Variants in CADM4 observed in about 807,000 individuals in gnomAD.
CADM4 encodes the protein TSLC1-like 2.
In CADM4, 13 loss-of-function variants were observed where a neutral mutation model predicts 43.9. The ratio of observed to expected loss-of-function variants is 0.30; its 90% confidence interval spans 0.19 to 0.47. The LOEUF (loss-of-function observed/expected upper bound fraction) is 0.47. Ranked by LOEUF, CADM4 falls within the 20% of genes least tolerant of loss-of-function variation. CADM4 has a pLI of 1.00. For missense variants in CADM4, 420 were observed against 527.0 expected, an observed-to-expected ratio of 0.80 and a Z score of 1.99; for synonymous variants, 209 against 220.9, an observed-to-expected ratio of 0.95 and a Z score of 0.48.
intron 1 of CADM4, among the ~76,000 whole-genome samples, chr19:43,633,100 G>T (rs1307042858): frequency 6.6e-6 from 1 of 151,296 alleles, no homozygotes; most frequent in Non-Finnish European, 1.5e-5. Flanking sequence ...AAGAGACAGG[G>T]TATTGCTCTG....
chr19:43,632,913 C>T (rs1334880173), intron 1 of CADM4, among the ~76,000 whole-genome samples: 3 of 151,780 alleles, frequency 2.0e-5, no homozygotes, highest in African/African-American at 7.3e-5. Context: ...GGCGAAACCC[C>T]GTCTCTACTA....
Position 43,632,160 on chromosome 19 carries a change from G to C in CADM4, c.65-4370C>G, listed in dbSNP as rs147284142. Among the ~76,000 whole-genome samples the C allele has an allele frequency of 9.9e-5, 15 of 152,214 alleles. No homozygotes were observed. In the East Asian group the frequency reaches 2.7e-3, roughly 27 times the overall value. On this transcript the variant is annotated intron_variant, in intron 1 of 8. Coordinates refer to ENST00000222374, the MANE Select transcript of CADM4 (RefSeq NM_145296.2). The stretch of plus-strand genomic sequence containing the variant: ...AAATGTCACCACCATCCACCTGGTT[G>C]CTCAGGTCAAAAACCTAGAAATCAT...
At chr19:43,633,385 C>T (rs1041159237) in intron 1 of CADM4, among the ~76,000 whole-genome samples, 11 of 152,044 alleles carry the variant, frequency 7.2e-5, no homozygotes, top group Non-Finnish European at 1.3e-4. Flanking sequence ...AGAACACTTG[C>T]TATTTCCTCA....
intron 1 of CADM4, among the ~76,000 whole-genome samples, chr19:43,638,956 G>A (rs925538485): frequency 2.4e-4 from 36 of 150,150 alleles, no homozygotes; most frequent in African/African-American, 7.6e-4. Flanking sequence ...CGTAGAGAGA[G>A]GAGGCACAGC....
At position 43,623,468 on chromosome 19, in the gene CADM4, G is replaced by T; in HGVS notation, c.1058-29C>A. The T allele has an allele frequency of 7.0e-7, 1 of 1,425,016 alleles. No individual in the cohort carries two copies. Among genetic ancestry groups the T allele is most frequent in the Non-Finnish European group, 9.9e-7 (1 of 1,008,032 alleles). 88.3% of individuals were successfully genotyped at this position (1,425,016 alleles called of 1,614,324 possible). On this transcript the variant is annotated intron_variant, in intron 8 of 8. Transcript: ENST00000222374. The surrounding 1 kb of genome is among the most constrained non-coding windows in gnomAD (Gnocchi z 4.4). ...AGGGGGTGACAGACCCCCGGGGCAG[G>T]GGGGACATATTTGTGGATCCAGGAG... is the stretch of plus-strand genomic sequence containing the variant.
chr19:43,625,260 G>C lies in CADM4; in HGVS notation c.756-10C>G, dbSNP rs1016548990. 2 of 1,611,842 alleles carry C rather than the reference G, an allele frequency of 1.2e-6. No individual in the cohort carries two copies. The highest frequency in any genetic ancestry group is 2.7e-5 in the African/African-American group (2 of 74,984). ...GCGGATCTGGTTTGGCCTGGGTGGGGATAAAGTATAGTGAGAGTTAGGAAC... is the reference window on the plus strand; with the variant it reads ...GCGGATCTGGTTTGGCCTGGGTGGGCATAAAGTATAGTGAGAGTTAGGAAC... On this transcript the variant is annotated splice_polypyrimidine_tract_variant and intron_variant, in intron 6 of 8. Coordinates refer to ENST00000222374, the MANE Select transcript of CADM4 (RefSeq NM_145296.2). The surrounding 1 kb of genome is among the most constrained non-coding windows in gnomAD (Gnocchi z 4.5).
intron 1 of CADM4, 65 bp downstream of exon 1, chr19:43,639,662 C>G (rs1301999813): frequency 2.8e-5 from 26 of 927,664 alleles, no homozygotes; most frequent in Non-Finnish European, 3.1e-5. Context: ...CCGAGGCTGC[C>G]GGGCTGTCAC....
chr19:43,630,204 C>T (rs1172675450), intron 1 of CADM4, among the ~76,000 whole-genome samples: 1 of 149,428 alleles, frequency 6.7e-6, no homozygotes, highest in Non-Finnish European at 1.5e-5. Context: ...TGTGCCCGGC[C>T]TGCGCTATTA....
rs1378025655 is a variant in CADM4 at position 43,627,951 on chromosome 19, A to G, written c.65-161T>C. 2.0e-5 allele frequency among the ~76,000 whole-genome samples: 3 copies of G among 152,084 alleles called. No individual in the cohort carries two copies. The highest frequency in any genetic ancestry group is 7.2e-5 in the African/African-American group (3 of 41,414). On this transcript the variant is annotated intron_variant, in intron 1 of 8. Coordinates refer to ENST00000222374, the MANE Select transcript of CADM4 (RefSeq NM_145296.2). The surrounding 1 kb of genome is among the most constrained non-coding windows in gnomAD (Gnocchi z 4.0). ...CTGCAGGCTAGAGTCCAGGACAGGG[A>G]GGAAATCTGCTCCCTACTCTAAAAG... is the stretch of plus-strand genomic sequence containing the variant.
In CADM4 at chr19:43,623,232, A is replaced by G. The variant is rs1973466850; in HGVS notation, c.*98T>C. On this transcript the variant is annotated 3_prime_UTR_variant, in exon 9 of 9. Transcript: ENST00000222374. The surrounding 1 kb of genome is among the most constrained non-coding windows in gnomAD (Gnocchi z 4.4). ...TTAGTGGTGGGGGGAGAAGCCCACCATCCCAGACTCTGGTAAATGTCTTTG... is the reference window on the plus strand; with the variant it reads ...TTAGTGGTGGGGGGAGAAGCCCACCGTCCCAGACTCTGGTAAATGTCTTTG... 1.2e-6 allele frequency: 1 copy of G among 869,330 alleles called. No individual in the cohort carries two copies. Among genetic ancestry groups the G allele is most frequent in the Non-Finnish European group, 1.9e-6 (1 of 517,798 alleles). 53.9% of individuals were successfully genotyped at this position (869,330 alleles called of 1,614,324 possible).
rs923841620 is a variant in CADM4, at chr19:43,623,805, C to T, written c.1057+309G>A. 6.6e-6 allele frequency among the ~76,000 whole-genome samples: 1 copy of T among 152,172 alleles called. No individual in the cohort carries two copies. Among genetic ancestry groups the T allele is most frequent in the African/African-American group, 2.4e-5 (1 of 41,432 alleles). ...GTAGAAAAGGGGCTGCGCCATGGTG[C>T]CCAGGCTGGTCTCGACCTCCTAGCT... On this transcript the variant is annotated intron_variant, in intron 8 of 8. Transcript: ENST00000222374. The surrounding 1 kb of genome is among the most constrained non-coding windows in gnomAD (Gnocchi z 4.4).
rs76370903 is a variant in CADM4 at position 43,638,184 on chromosome 19, G to A, written c.64+1543C>T. ...GACAGCTTTGCCCCTCATCCTGGCC[G>A]AGGTGAGGATGGCTCTGCCTCAAAC... On this transcript the variant is annotated intron_variant, in intron 1 of 8. Coordinates refer to ENST00000222374, the MANE Select transcript of CADM4 (RefSeq NM_145296.2). Among the ~76,000 whole-genome samples the A allele has an allele frequency of 9.0e-3, 1,373 of 152,304 alleles. 21 individuals are homozygous for A. The highest frequency in any genetic ancestry group is 0.031 in the African/African-American group (1,295 of 41,558).
upstream of CADM4, chr19:43,639,962 G>A (rs1161670751): frequency 2.7e-6 from 1 of 370,562 alleles, no homozygotes; most frequent in Non-Finnish European, 3.7e-6. Context: ...GGAGACAATC[G>A]GGGGGACGGC....
rs1157184291 is a variant in CADM4, at chr19:43,639,795, C to T, written c.-5G>A. ...GAAGCGCCGGGCCCGGCCCATGGTGCCGCCGCCGCCGCCGCCGCCGCTCGC... is the reference window on the plus strand; with the variant it reads ...GAAGCGCCGGGCCCGGCCCATGGTGTCGCCGCCGCCGCCGCCGCCGCTCGC... On this transcript the variant is annotated 5_prime_UTR_variant, in exon 1 of 9. Transcript: ENST00000222374. The T allele has an allele frequency of 1.0e-6, 1 of 974,528 alleles. No homozygotes were observed. 60.4% of individuals were successfully genotyped at this position (974,528 alleles called of 1,614,324 possible). A position where few individuals can be genotyped will look rare whatever the true frequency, so the allele number is the denominator to read the frequency against.
intron 1 of CADM4, among the ~76,000 whole-genome samples, chr19:43,635,711 GC>G (rs1215196494): frequency 6.9e-5 from 6 of 87,014 alleles, no homozygotes; most frequent in African/African-American, 2.7e-4. Flanking sequence ...AAGATCCCAG[GC>G]CCCTCCTCCC....
intron 1 of CADM4, among the ~76,000 whole-genome samples, chr19:43,639,074 TG>T (rs1465792900): frequency 3.4e-5 from 5 of 145,494 alleles, no homozygotes; most frequent in African/African-American, 1.3e-4. Flanking sequence ...GACAAGGGGA[TG>T]GGGCAGATAG....
chr19:43,632,599 T>A (rs1303875520), intron 1 of CADM4, among the ~76,000 whole-genome samples: 5 of 152,132 alleles, frequency 3.3e-5, no homozygotes, highest in Non-Finnish European at 2.9e-5. Context: ...CATGCTGAGC[T>A]CGCTCCCACC....
At chr19:43,634,519 T>C (rs975396724) in intron 1 of CADM4, among the ~76,000 whole-genome samples, 44 of 151,190 alleles carry the variant, frequency 2.9e-4, no homozygotes, top group African/African-American at 1.0e-3. Context: ...TCTTTTGTTT[T>C]ACTCCCTCCC....
upstream of CADM4, among the ~76,000 whole-genome samples, chr19:43,641,790 C>G (rs79684193): frequency 4.1e-4 from 63 of 152,324 alleles, no homozygotes; most frequent in African/African-American, 1.4e-3. Flanking sequence ...CATTCTGTGA[C>G]TTTTGCTAGA....
Sources: gnomAD v4.1 joint callset for allele counts (sites outside exome capture counted in the v4.1 genomes callset) on GRCh38, gnomAD v4.1.1 for gene constraint, Gnocchi (gnomAD v3.1) non-coding constraint, MANE v1.5 for transcripts, NCBI Gene and HGNC (gene_info 2026-07-23, HGNC 2026-07-21) for gene names.